Variants in NRXN3 observed in about 807,000 individuals in gnomAD.
The protein encoded by NRXN3 is neurexin 3, also known as neurexin III.
NRXN3 carries 32 observed loss-of-function variants against 137.6 expected under a neutral mutation model. The observed-to-expected ratio is 0.23, with a 90% CI of 0.18 to 0.31. The LOEUF is 0.31. Ranked by LOEUF, NRXN3 falls within the 10% of genes least tolerant of loss-of-function variation. The pLI is 1.00. For missense variants in NRXN3, 1,574 were observed against 2,062.5 expected (o/e 0.76, Z 4.59); for synonymous variants, 798 against 784.5 (o/e 1.02, Z -0.29).
chr14:78,959,892 C>CCTCACCCTGAT (rs2099404778), intron 11 of NRXN3, among the ~76,000 whole-genome samples: 2 of 152,234 alleles, frequency 1.3e-5, no homozygotes, highest in South Asian at 4.1e-4. Context: ...TAGATGGCGA[C>CCTCACCCTGAT]CTCACCCTGA....
chr14:78,551,302 T>C (rs933765342), intron 4 of NRXN3, among the ~76,000 whole-genome samples: 3 of 152,144 alleles, frequency 2.0e-5, no homozygotes, highest in African/African-American at 4.8e-5. Flanking sequence ...ATTTTTTTTT[T>C]CTACTTATAT....
chr14:79,080,336 T>C (rs2046737699), intron 15 of NRXN3, among the ~76,000 whole-genome samples: 1 of 152,170 alleles, frequency 6.6e-6, no homozygotes, highest in South Asian at 2.1e-4. Context: ...ATGGAAGGAT[T>C]TGGAAAATGG....
chr14:78,757,732 A>C (rs1260543697), intron 8 of NRXN3, among the ~76,000 whole-genome samples: 1 of 152,190 alleles, frequency 6.6e-6, no homozygotes, highest in Non-Finnish European at 1.5e-5. Flanking sequence ...AAAAATGTGA[A>C]TAAATTCTGG....
intron 8 of NRXN3, among the ~76,000 whole-genome samples, chr14:78,744,161 T>C (rs1427682309): frequency 2.0e-5 from 3 of 152,152 alleles, no homozygotes; most frequent in Non-Finnish European, 2.9e-5. Flanking sequence ...TTGTTTGAAA[T>C]GGAGGAGTCT....
At chr14:78,436,609 A>G (rs1376902057) in intron 4 of NRXN3, among the ~76,000 whole-genome samples, 1 of 152,242 alleles carries the variant, frequency 6.6e-6, no homozygotes, top group African/African-American at 2.4e-5. Context: ...CACATGTGCT[A>G]TTGAGCACTT....
intron 4 of NRXN3, among the ~76,000 whole-genome samples, chr14:78,458,456 G>A (rs553382088): frequency 1.1e-3 from 168 of 152,280 alleles, no homozygotes; most frequent in Non-Finnish European, 1.7e-3. Flanking sequence ...CAAAACCCTA[G>A]GCAGTCTGTA....
intron 16 of NRXN3, among the ~76,000 whole-genome samples, chr14:79,594,698 A>AAT (rs1555545706): frequency 4.0e-4 from 60 of 151,638 alleles, no homozygotes; most frequent in African/African-American, 1.0e-3. Context: ...TTCAAAAAAA[A>AAT]ATATATATAT....
chr14:78,305,301 G>A (rs528463645), intron 4 of NRXN3, among the ~76,000 whole-genome samples: 12 of 152,160 alleles, frequency 7.9e-5, no homozygotes, highest in Non-Finnish European at 1.5e-4. Flanking sequence ...AAACCTTTAG[G>A]GCGGCCGGGC....
intron 16 of NRXN3, among the ~76,000 whole-genome samples, chr14:79,583,771 G>A (rs1041677613): frequency 1.3e-5 from 2 of 152,194 alleles, no homozygotes; most frequent in Admixed American, 6.5e-5. Context: ...TTACATCTTT[G>A]GAATACTGAG....
intron 4 of NRXN3, among the ~76,000 whole-genome samples, chr14:78,424,806 A>G (rs2093597259): frequency 6.6e-6 from 1 of 152,228 alleles, no homozygotes. Context: ...GGTCATTCCC[A>G]TATCATCATT....
Position 79,346,659 on chromosome 14 carries a change from T to G in NRXN3, c.3263-120562T>G, listed in dbSNP as rs2092902496. 5.9e-5 allele frequency among the ~76,000 whole-genome samples: 9 copies of G among 152,308 alleles called. No individual in the cohort carries two copies. The South Asian group carries it at 1.9e-3, about 32-fold the overall frequency. ...CCCTCTGATCACATTAACTTTCCTG[T>G]TCTTTGAAGATGTCTTGGAACTTGC... is the stretch of plus-strand genomic sequence containing the variant. On this transcript the variant is annotated intron_variant, in intron 15 of 20. Coordinates refer to ENST00000335750, the MANE Select transcript of NRXN3 (RefSeq NM_001330195.2).
chr14:79,828,249 G>A (rs1445287288), intron 20 of NRXN3, among the ~76,000 whole-genome samples: 1 of 152,188 alleles, frequency 6.6e-6, no homozygotes, highest in Non-Finnish European at 1.5e-5. Context: ...CTCCTGGGAG[G>A]AAAGGGAGTG....
chr14:79,721,034 G>A (rs1176165130), intron 19 of NRXN3, among the ~76,000 whole-genome samples: 1 of 152,118 alleles, frequency 6.6e-6, no homozygotes. Context: ...GTATTTATCT[G>A]TATATGAGTT....
intron 15 of NRXN3, among the ~76,000 whole-genome samples, chr14:79,326,950 G>A (rs1442680111): frequency 6.6e-6 from 1 of 152,048 alleles, no homozygotes; most frequent in African/African-American, 2.4e-5. Flanking sequence ...CATAAAAAAT[G>A]TGAAACCTCT....
At chr14:78,872,461 A>G (rs1431547217) in intron 10 of NRXN3, among the ~76,000 whole-genome samples, 1 of 151,210 alleles carries the variant, frequency 6.6e-6, no homozygotes, top group African/African-American at 2.4e-5. Context: ...TCTCTTTTTT[A>G]TTCCATTTTC....
chr14:79,196,524 T>C (rs967576554), intron 15 of NRXN3, among the ~76,000 whole-genome samples: 2 of 152,204 alleles, frequency 1.3e-5, no homozygotes, highest in Non-Finnish European at 2.9e-5. Flanking sequence ...GGTCCCATTG[T>C]TCAACACTGT....
At chr14:79,120,885 T>G (rs2055296498) in intron 15 of NRXN3, among the ~76,000 whole-genome samples, 1 of 152,206 alleles carries the variant, frequency 6.6e-6, no homozygotes, top group African/African-American at 2.4e-5. Flanking sequence ...TTTTGCTTTT[T>G]GTGTCCATAC....
intron 4 of NRXN3, among the ~76,000 whole-genome samples, chr14:78,323,934 T>C (rs2079717474): frequency 6.6e-6 from 1 of 152,050 alleles, no homozygotes; most frequent in South Asian, 2.1e-4. Context: ...GTATTATTAA[T>C]ACAATGAGTG....
At chr14:79,766,208 G>T (rs1018626987) in intron 19 of NRXN3, among the ~76,000 whole-genome samples, 6 of 152,042 alleles carry the variant, frequency 3.9e-5, no homozygotes, top group Non-Finnish European at 8.8e-5. Context: ...TTAGATAAAA[G>T]GTTTCATATG....
Sources: allele counts gnomAD v4.1 joint callset (sites outside exome capture counted in the v4.1 genomes callset), GRCh38; gene constraint gnomAD v4.1.1; transcripts MANE v1.5; gene names NCBI Gene and HGNC (gene_info 2026-07-23, HGNC 2026-07-21).